The following KLF13 variants were observed in gnomAD, a reference collection of about 807,000 sequenced individuals.
The protein encoded by KLF13 is Krueppel-like factor 13.
In KLF13, 8 loss-of-function variants were observed where a neutral mutation model predicts 16.7. The observed-to-expected ratio is 0.48, with a 90% CI of 0.28 to 0.87. The LOEUF (loss-of-function observed/expected upper bound fraction) is 0.87. Ranked by LOEUF, KLF13 falls within the 40% of genes least tolerant of loss-of-function variation. The pLI is 0.10. For synonymous variants in KLF13, 245 were observed against 208.4 expected, an observed-to-expected ratio of 1.18 and a Z score of -1.51; for missense variants, 447 against 452.2, an observed-to-expected ratio of 0.99 and a Z score of 0.10.
downstream of KLF13, among the ~76,000 whole-genome samples, chr15:31,382,872 C>T (rs556310720): frequency 1.3e-5 from 2 of 152,334 alleles, no homozygotes; most frequent in Non-Finnish European, 2.9e-5. Context: ...TCGTGACGGG[C>T]GTTGCCCTCA....
At chr15:31,353,935 G>C (rs1014504228) in intron 1 of KLF13, among the ~76,000 whole-genome samples, 1 of 152,224 alleles carries the variant, frequency 6.6e-6, no homozygotes, top group African/African-American at 2.4e-5. Flanking sequence ...CACCCCCACA[G>C]CCCTGCCTAG....
intron 1 of KLF13, among the ~76,000 whole-genome samples, chr15:31,348,154 A>G (rs1383982726): frequency 6.6e-6 from 1 of 151,850 alleles, no homozygotes. Context: ...AAAGGACGCC[A>G]CTCCTCCTCC....
intron 1 of KLF13, among the ~76,000 whole-genome samples, chr15:31,349,913 G>A (rs936524605): frequency 2.0e-5 from 3 of 152,210 alleles, no homozygotes; most frequent in African/African-American, 7.2e-5. Flanking sequence ...GAAGTTGAAT[G>A]GTATAAAGTA....
At position 31,434,436 on chromosome 15, in the gene KLF13, C is replaced by T. The variant is rs1489857371; in HGVS notation, n.118-934C>T. Among the ~76,000 whole-genome samples the T allele has an allele frequency of 2.6e-5, 4 of 152,142 alleles. No individual in the cohort carries two copies. The South Asian group carries it at 8.3e-4, about 32-fold the overall frequency. ...AGGGCCGGGAACCAACAGTACCCCC[C>T]AAGGGAGGTTCGAATCAGGTGCTTG... On this transcript the variant is annotated intron_variant and non_coding_transcript_variant, in intron 1 of 1. Coordinates refer to the KLF13 transcript ENST00000558225.
chr15:31,338,817 C>T (rs1021747770), intron 1 of KLF13, among the ~76,000 whole-genome samples: 3 of 152,066 alleles, frequency 2.0e-5, no homozygotes, highest in Non-Finnish European at 4.4e-5. Flanking sequence ...CAGTCTGGCC[C>T]CATTCTCACT....
intron 1 of KLF13, among the ~76,000 whole-genome samples, chr15:31,385,830 C>T (rs1213175278): frequency 6.6e-6 from 1 of 152,198 alleles, no homozygotes; most frequent in African/African-American, 2.4e-5. Context: ...ACAGGTCTCT[C>T]ACTTTAAATC....
intron 1 of KLF13, among the ~76,000 whole-genome samples, chr15:31,354,108 G>T (rs1327671655): frequency 6.6e-6 from 1 of 152,202 alleles, no homozygotes; most frequent in Non-Finnish European, 1.5e-5. Flanking sequence ...CTTGGCCCCA[G>T]AGCCTGGCAC....
At chr15:31,382,103 T>C (rs942560459), downstream of KLF13, among the ~76,000 whole-genome samples, 4 of 152,160 alleles carry the variant, frequency 2.6e-5, no homozygotes, top group South Asian at 2.1e-4. Flanking sequence ...CCATGCCAGA[T>C]ACTCAGGCCC....
At chr15:31,382,065 G>A (rs995266048), downstream of KLF13, among the ~76,000 whole-genome samples, 4 of 152,200 alleles carry the variant, frequency 2.6e-5, no homozygotes, top group Non-Finnish European at 5.9e-5. Context: ...CCAGTGGTGT[G>A]CGAGATGTCA....
At position 31,327,063 on chromosome 15, in the gene KLF13, C is replaced by T. The variant is rs1364944007; in HGVS notation, c.-150C>T. On this transcript the variant is annotated 5_prime_UTR_variant, in exon 1 of 2. Coordinates refer to ENST00000307145, the MANE Select transcript of KLF13 (RefSeq NM_015995.4). ...ACGCGGAGCCGCGCGGGTGACGGCA[C>T]AGGCGGCTGCGCGCCCAGCCCAGCC... The T allele has an allele frequency of 1.7e-5, 11 of 655,914 alleles. No individual in the cohort carries two copies. Among genetic ancestry groups the T allele is most frequent in the Non-Finnish European group, 2.0e-5 (10 of 503,624 alleles). 40.6% of individuals were successfully genotyped at this position (655,914 alleles called of 1,614,324 possible). A position where few individuals can be genotyped will look rare whatever the true frequency, so the allele number is the denominator to read the frequency against.
At chr15:31,342,659 G>A (rs776508732) in intron 1 of KLF13, among the ~76,000 whole-genome samples, 42 of 152,332 alleles carry the variant, frequency 2.8e-4, no homozygotes, top group Admixed American at 5.9e-4. Context: ...GTTTACAGGA[G>A]TAATTGCCTT....
chr15:31,361,822 C>A (rs888818325), intron 1 of KLF13, among the ~76,000 whole-genome samples: 1 of 136,806 alleles, frequency 7.3e-6, no homozygotes, highest in African/African-American at 2.6e-5. Context: ...CCCCCCACCC[C>A]CCACCCCAGA....
chr15:31,341,292 AG>A (rs2039017389), intron 1 of KLF13, among the ~76,000 whole-genome samples: 1 of 152,154 alleles, frequency 6.6e-6, no homozygotes, highest in Admixed American at 6.5e-5. Flanking sequence ...CTAGGAGCAG[AG>A]GGGTAGAATG....
chr15:31,345,018 C>A (rs1162253706), intron 1 of KLF13, among the ~76,000 whole-genome samples: 2 of 152,184 alleles, frequency 1.3e-5, no homozygotes, highest in African/African-American at 4.8e-5. Context: ...CAGGTGCCTT[C>A]CAGGCTCTGT....
chr15:31,418,965 A>G (rs2040288858), intron 1 of KLF13, among the ~76,000 whole-genome samples: 2 of 152,198 alleles, frequency 1.3e-5, no homozygotes, highest in East Asian at 3.8e-4. Flanking sequence ...ACATATATAC[A>G]AACATAAATA....
chr15:31,401,219 C>T (rs60826441), intron 2 of KLF13, among the ~76,000 whole-genome samples: 1,572 of 152,280 alleles, frequency 0.01, 34 homozygotes, highest in African/African-American at 0.036. Flanking sequence ...AGGCTGGTCT[C>T]GAACTCCTGA....
intron 1 of KLF13, among the ~76,000 whole-genome samples, chr15:31,433,382 G>A (rs2040495165): frequency 6.6e-6 from 1 of 152,116 alleles, no homozygotes; most frequent in Non-Finnish European, 1.5e-5. Flanking sequence ...GATGTCCAGG[G>A]CTGTGTTTTG....
At chr15:31,427,063 C>G (rs1230262197) in intron 1 of KLF13, among the ~76,000 whole-genome samples, 1 of 152,124 alleles carries the variant, frequency 6.6e-6, no homozygotes, top group African/African-American at 2.4e-5. Context: ...AATTCTGAGG[C>G]TTTTGGACTT....
downstream of KLF13, among the ~76,000 whole-genome samples, chr15:31,379,124 A>C (rs918042772): frequency 1.3e-5 from 2 of 152,186 alleles, no homozygotes; most frequent in South Asian, 4.1e-4. Context: ...TCCTGAAGCT[A>C]CCCTGACACC....
Sources: allele counts gnomAD v4.1 joint callset (sites outside exome capture counted in the v4.1 genomes callset), GRCh38; gene constraint gnomAD v4.1.1; transcripts MANE v1.5; gene names NCBI Gene and HGNC (gene_info 2026-07-23, HGNC 2026-07-21).